The following MAN2A2 variants were observed in gnomAD, a reference collection of about 807,000 sequenced individuals.
MAN2A2 encodes the protein alpha-mannosidase 2x.
MAN2A2 carries 79 observed loss-of-function variants against 126.8 expected under a neutral mutation model. The ratio of observed to expected loss-of-function variants is 0.62; its 90% confidence interval spans 0.52 to 0.75. MAN2A2 has a LOEUF of 0.75. Ranked by LOEUF, MAN2A2 falls within the 30% of genes least tolerant of loss-of-function variation. The probability of loss-of-function intolerance (pLI) is 0.00; values close to 1 mark genes in which losing one functional copy is unlikely to be tolerated. For missense variants in MAN2A2, 1,392 were observed against 1,522.4 expected (o/e 0.91, Z 1.43); for synonymous variants, 671 against 618.7 (o/e 1.08, Z -1.25).
Position 90,916,201 on chromosome 15 carries a change from A to G in MAN2A2, c.2939A>G (p.Lys980Arg). The change falls in exon 20 of 23, where the codon AAG (lysine) becomes AGG (arginine). Residue 980 changes from lysine to arginine, a missense_variant. Transcript: ENST00000559717. The stretch of plus-strand genomic sequence containing the variant: ...CTAGGCCAAGGGCTCAAGGACAACA[A>G]GAGAACCTGCAACCGTTTCCGCCTC... ...RGLGQGLKDNKRTCNRFRLLL... is the reference protein window; with the variant it reads ...RGLGQGLKDNRRTCNRFRLLL... 6.2e-7 allele frequency: 1 copy of G among 1,614,192 alleles called. No homozygotes were observed. The highest frequency in any genetic ancestry group is 8.5e-7 in the Non-Finnish European group (1 of 1,180,040).
chr15:90,909,255 G>A lies in MAN2A2; in HGVS notation c.1197-72G>A, dbSNP rs1371601710. On this transcript the variant is annotated intron_variant, in intron 8 of 22. Transcript: ENST00000559717. The stretch of plus-strand genomic sequence containing the variant: ...GGATGTCTTCTAGGGGCTTGCTGGC[G>A]GGATGGCTGTGCGTGGTGCTCTTTT... 1.8e-5 allele frequency: 27 copies of A among 1,467,518 alleles called. No individual in the cohort carries two copies. In the East Asian group the frequency reaches 2.6e-4, roughly 14 times the overall value. The allele number at this position is 1,467,518 out of a possible 1,614,324, so 90.9% of individuals were successfully genotyped here. A position where few individuals can be genotyped will look rare whatever the true frequency, so the allele number is the denominator to read the frequency against.
intron 9 of MAN2A2, 77 bp from the exon 10 acceptor site, chr15:90,910,013 C>A: frequency 1.5e-6 from 2 of 1,336,156 alleles, no homozygotes; most frequent in South Asian, 1.4e-5. Flanking sequence ...CCTGCCTCAC[C>A]CCCAACTGCA....
In MAN2A2 at chr15:90,916,948, A is replaced by C. The variant is rs141207086; in HGVS notation, c.2994+692A>C. Among the ~76,000 whole-genome samples the C allele has an allele frequency of 9.2e-4, 140 of 152,236 alleles. 2 individuals are homozygous for C. The highest frequency in any genetic ancestry group is 3.3e-3 in the African/African-American group (136 of 41,548). Reference sequence around the variant, plus strand: ...GTAATAATGTGGGCTAAGGAGATCGAGGTCAAGGAGGTGTCACCCAGGTGT... The same window carrying C: ...GTAATAATGTGGGCTAAGGAGATCGCGGTCAAGGAGGTGTCACCCAGGTGT... On this transcript the variant is annotated intron_variant, in intron 20 of 22. Transcript: ENST00000559717.
chr15:90,913,364 C>T lies in MAN2A2; in HGVS notation c.2676C>T (p.Ile892=), dbSNP rs910602513. 3 of 1,604,542 alleles carry T rather than the reference C, an allele frequency of 1.9e-6. No homozygotes were observed. The highest frequency in any genetic ancestry group is 1.3e-5 in the African/African-American group (1 of 74,686). The change falls in exon 18 of 23, where the codon ATC becomes ATT. Residue 892 remains isoleucine, a synonymous_variant. Transcript: ENST00000559717. ...KELALHIHTD[I]DSQGIFFTDL... ...TGGCCCTGCACATCCATACAGACAT[C>T]GACAGCCAGGGTATCTTCTTCACAG...
rs1467450758 is a variant in MAN2A2, at chr15:90,910,966, G to A, written c.1875+5G>A. On this transcript the variant is annotated splice_donor_5th_base_variant and intron_variant, in intron 12 of 22. Coordinates refer to ENST00000559717, the MANE Select transcript of MAN2A2 (RefSeq NM_006122.4). ...GAGGCGCCCTTCCTCCAAGTGGTGA[G>A]CCCCTCCTGGGTCTGCATGGGGACC... is the stretch of plus-strand genomic sequence containing the variant. 4 of 1,611,522 alleles carry A rather than the reference G, an allele frequency of 2.5e-6. No homozygotes were observed. The highest frequency in any genetic ancestry group is 3.4e-6 in the Non-Finnish European group (4 of 1,177,940).
At chr15:90,918,462 G>T in intron 21 of MAN2A2, 74 bp downstream of exon 21, 2 of 1,502,896 alleles carry the variant, frequency 1.3e-6, no homozygotes, top group Non-Finnish European at 1.8e-6. Context: ...TCCTTCCTTA[G>T]CCTCCAGGAT....
At chr15:90,903,834 C>A (rs2034029887) in intron 1 of MAN2A2, 1 of 358,582 alleles carries the variant, frequency 2.8e-6, no homozygotes, top group Admixed American at 4.0e-5. Flanking sequence ...TAGAGACTAG[C>A]TTATTCACCT....
At position 90,905,573 on chromosome 15, in the gene MAN2A2, T is replaced by C; in HGVS notation, c.391-6T>C. The C allele has an allele frequency of 1.2e-6, 2 of 1,614,180 alleles. No individual in the cohort carries two copies. The highest frequency in any genetic ancestry group is 1.7e-6 in the Non-Finnish European group (2 of 1,180,032). ...CTGGGGTACTGAGCTGCAGTTCACC[T>C]GGCAGATGCTCACTGTGTCGGAGGA... On this transcript the variant is annotated splice_polypyrimidine_tract_variant and splice_region_variant and intron_variant, in intron 3 of 22. Coordinates refer to ENST00000559717, the MANE Select transcript of MAN2A2 (RefSeq NM_006122.4).
intron 6 of MAN2A2, 21 bp from the exon 7 acceptor site, chr15:90,906,719 T>C: frequency 6.2e-7 from 1 of 1,608,534 alleles, no homozygotes; most frequent in East Asian, 2.2e-5. Flanking sequence ...AGGGCCTCTC[T>C]GGCTTCCATG....
Position 90,910,238 on chromosome 15 carries a change from A to G in MAN2A2, c.1523A>G (p.Tyr508Cys), listed in dbSNP as rs1423436925. 1 of 1,614,122 alleles carries G rather than the reference A, an allele frequency of 6.2e-7. No homozygotes were observed. Among genetic ancestry groups the G allele is most frequent in the Non-Finnish European group, 8.5e-7 (1 of 1,180,032 alleles). Residue 508 changes from tyrosine to cysteine, a missense_variant, in exon 10 of 23, where the codon TAC becomes TGC. Transcript: ENST00000559717. The part of the protein sequence containing the change: ...DREDHYWTGY[Y>C]TSRPFYKSLD... ...GAGGATCATTACTGGACAGGCTATTACACTTCCCGGCCCTTCTACAAGAGC... is the reference window on the plus strand; with the variant it reads ...GAGGATCATTACTGGACAGGCTATTGCACTTCCCGGCCCTTCTACAAGAGC...
In MAN2A2 at chr15:90,918,260, G is replaced by A. The variant is rs773581061; in HGVS notation, c.3061G>A (p.Ala1021Thr). 1.1e-5 allele frequency: 17 copies of A among 1,613,954 alleles called. No individual in the cohort carries two copies. The highest frequency in any genetic ancestry group is 8.3e-5 in the Admixed American group (5 of 59,992). Residue 1021 changes from alanine to threonine, a missense_variant, in exon 21 of 23, where the codon GCC (alanine) becomes ACC (threonine). Transcript: ENST00000559717. ...LSHLTSMYLN[A>T]PALALPVARM... ...CCACCTGACCTCCATGTACCTGAAC[G>A]CCCCGGCGCTCGCTCTGCCTGTAGC...
chr15:90,916,242 A>T lies in MAN2A2; in HGVS notation c.2980A>T (p.Thr994Ser), dbSNP rs751820500. Residue 994 changes from threonine (T) to serine (S), a missense_variant, in exon 20 of 23, where the codon ACC becomes TCC. Physicochemically the swap from Thr to Ser is moderately conservative, Grantham distance 58. Coordinates refer to ENST00000559717, the MANE Select transcript of MAN2A2 (RefSeq NM_006122.4). Reference sequence around the variant, plus strand: ...TTTCCGCCTCCTGCTAGAGCGGCGAACCGTGGGCAGTGAGGTAACATCTGG... The same window carrying T: ...TTTCCGCCTCCTGCTAGAGCGGCGATCCGTGGGCAGTGAGGTAACATCTGG... ...NRFRLLLERR[T>S]VGSEVQDSHS... 1.1e-5 allele frequency: 18 copies of T among 1,613,962 alleles called. No homozygotes were observed. In the Middle Eastern group the frequency reaches 6.6e-4, roughly 59 times the overall value.
rs748372196 is a variant in MAN2A2, at chr15:90,918,254, C to G, written c.3055C>G (p.Leu1019Val). 2 of 1,614,036 alleles carry G rather than the reference C, an allele frequency of 1.2e-6. No homozygotes were observed. Among genetic ancestry groups the G allele is most frequent in the East Asian group, 4.5e-5 (2 of 44,842 alleles). The change falls in exon 21 of 23, where the codon CTG (leucine) becomes GTG (valine). Residue 1019 changes from leucine to valine, a missense_variant. Leu to Val is a conservative substitution (Grantham distance 32). Coordinates refer to ENST00000559717, the MANE Select transcript of MAN2A2 (RefSeq NM_006122.4). ...CCTCAGCCACCTGACCTCCATGTAC[C>G]TGAACGCCCCGGCGCTCGCTCTGCC... is the stretch of plus-strand genomic sequence containing the variant. Reference protein sequence around the residue: ...SLLSHLTSMYLNAPALALPVA... With the variant: ...SLLSHLTSMYVNAPALALPVA...
chr15:90,905,527 A>G lies in MAN2A2; in HGVS notation c.390+19A>G. 1.2e-6 allele frequency: 2 copies of G among 1,614,130 alleles called. No individual in the cohort carries two copies. The highest frequency in any genetic ancestry group is 2.2e-5 in the South Asian group (2 of 91,088). Reference sequence around the variant, plus strand: ...GCTGCAGGTAAGAGTCAGAGCTGGCAGGGACGTACAGTGGCCACGACTGGG... The same window carrying G: ...GCTGCAGGTAAGAGTCAGAGCTGGCGGGGACGTACAGTGGCCACGACTGGG... On this transcript the variant is annotated intron_variant, in intron 3 of 22. Coordinates refer to ENST00000559717, the MANE Select transcript of MAN2A2 (RefSeq NM_006122.4).
At chr15:90,915,610 C>T (rs1216205500) in intron 19 of MAN2A2, 2 of 152,572 alleles carry the variant, frequency 1.3e-5, no homozygotes, top group Non-Finnish European at 2.9e-5. Context: ...AACACACAGA[C>T]AGTCAGAGCT....
chr15:90,919,757 G>C lies in MAN2A2; in HGVS notation c.3423G>C (p.Glu1141Asp), dbSNP rs1379728844. 2 of 1,614,218 alleles carry C rather than the reference G, an allele frequency of 1.2e-6. No individual in the cohort carries two copies. The highest frequency in any genetic ancestry group is 1.7e-6 in the Non-Finnish European group (2 of 1,180,034). Residue 1141 changes from glutamate (E) to aspartate (D), a missense_variant, in exon 23 of 23, where the codon GAG (glutamate) becomes GAC (aspartate). Coordinates refer to ENST00000559717, the MANE Select transcript of MAN2A2 (RefSeq NM_006122.4). ...NSTDVYLEPM[E>D]IATFRLRLG ...CTGACGTCTATTTGGAGCCCATGGAGATTGCTACCTTTCGCCTCCGCTTGG... is the reference window on the plus strand; with the variant it reads ...CTGACGTCTATTTGGAGCCCATGGACATTGCTACCTTTCGCCTCCGCTTGG...
At chr15:90,903,835 T>G (rs1302843489) in intron 1 of MAN2A2, 1 of 360,146 alleles carries the variant, frequency 2.8e-6, no homozygotes, top group Non-Finnish European at 5.4e-6. Flanking sequence ...AGAGACTAGC[T>G]TATTCACCTG....
intron 1 of MAN2A2, 75 bp from the exon 2 acceptor site, chr15:90,904,115 C>A: frequency 6.5e-7 from 1 of 1,528,608 alleles, no homozygotes; most frequent in Non-Finnish European, 9.1e-7. Context: ...CTCAGGAACT[C>A]ACTGGGGTAT....
intron 8 of MAN2A2, among the ~76,000 whole-genome samples, chr15:90,909,033 A>G (rs570142994): frequency 1.3e-5 from 2 of 152,196 alleles, no homozygotes; most frequent in South Asian, 4.2e-4. Flanking sequence ...CAGACCCTTC[A>G]CTTTGGTGCT....
Sources: gnomAD v4.1 joint callset for allele counts (sites outside exome capture counted in the v4.1 genomes callset) on GRCh38, gnomAD v4.1.1 for gene constraint, MANE v1.5 for transcripts, NCBI Gene and HGNC (gene_info 2026-07-23, HGNC 2026-07-21) for gene names.